Variants in EPB41L2 observed in about 807,000 individuals in gnomAD.
EPB41L2 encodes band 4.1-like protein 2.
EPB41L2 carries 43 observed loss-of-function variants against 113.0 expected under a neutral mutation model. That is an observed-to-expected ratio of 0.38 (90% CI 0.30 to 0.49). EPB41L2 has a LOEUF of 0.49. Ranked by LOEUF, EPB41L2 falls within the 20% of genes least tolerant of loss-of-function variation. The pLI, the probability that EPB41L2 is intolerant of heterozygous loss-of-function variation, is 0.95. For missense variants in EPB41L2, 1,147 were observed against 1,223.4 expected (o/e 0.94, Z 0.93); for synonymous variants, 442 against 436.7 (o/e 1.01, Z -0.15).
chr6:130,955,243 T>C lies in EPB41L2; in HGVS notation c.567A>G (p.Ala189=), dbSNP rs1159936422. 3 of 1,614,080 alleles carry C rather than the reference T, an allele frequency of 1.9e-6. No homozygotes were observed. The highest frequency in any genetic ancestry group is 2.5e-6 in the Non-Finnish European group (3 of 1,180,046). The change falls in exon 3 of 20, where the codon GCA becomes GCG. Residue 189 remains alanine, a synonymous_variant. Coordinates refer to ENST00000337057, the MANE Select transcript of EPB41L2 (RefSeq NM_001431.4). The part of the protein sequence containing the change: ...ETQEDKLEGG[A]AKRETKEVQT... Reference sequence around the variant, plus strand: ...GCACTTCCTTGGTCTCCCTTTTTGCTGCTCCTCCTTCTAATTTGTCTTCCT... The same window carrying C: ...GCACTTCCTTGGTCTCCCTTTTTGCCGCTCCTCCTTCTAATTTGTCTTCCT...
intron 1 of EPB41L2, among the ~76,000 whole-genome samples, chr6:131,025,421 C>T (rs984274012): frequency 1.3e-5 from 2 of 152,104 alleles, no homozygotes; most frequent in East Asian, 1.9e-4. Context: ...CAGATTTGAT[C>T]GAGATCAGAC....
intron 1 of EPB41L2, among the ~76,000 whole-genome samples, chr6:131,056,447 AAG>A (rs1421675562): frequency 2.0e-5 from 3 of 152,232 alleles, no homozygotes; most frequent in Non-Finnish European, 4.4e-5. Flanking sequence ...AAGTTAAGAC[AAG>A]AGTTTCTAAA....
Position 130,955,201 on chromosome 6 carries a change from T to C in EPB41L2, c.609A>G (p.Lys203=), listed in dbSNP as rs1394302189. 6.2e-7 allele frequency: 1 copy of C among 1,614,096 alleles called. No individual in the cohort carries two copies. Among genetic ancestry groups the C allele is most frequent in the East Asian group, 2.2e-5 (1 of 44,890 alleles). ...ETKEVQTNEL[K]AEKASQKVTK... Reference sequence around the variant, plus strand: ...TGACTTTTTGAGATGCCTTCTCTGCTTTCAGCTCATTGGTCTGCACTTCCT... The same window carrying C: ...TGACTTTTTGAGATGCCTTCTCTGCCTTCAGCTCATTGGTCTGCACTTCCT... The change falls in exon 3 of 20, where the codon AAA becomes AAG. Residue 203 remains lysine, a synonymous_variant. Transcript: ENST00000337057.
chr6:130,894,295 C>A, intron 10 of EPB41L2, 49 bp downstream of exon 10: 1 of 1,471,044 alleles, frequency 6.8e-7, no homozygotes, highest in Non-Finnish European at 9.5e-7. Flanking sequence ...AGTGGAATTA[C>A]AGGCATGTGC....
intron 6 of EPB41L2, among the ~76,000 whole-genome samples, chr6:130,904,089 A>C (rs1287941254): frequency 1.3e-5 from 2 of 152,186 alleles, no homozygotes; most frequent in African/African-American, 2.4e-5. Context: ...CTAACCTCAT[A>C]TCATCTTTGT....
intron 1 of EPB41L2, among the ~76,000 whole-genome samples, chr6:131,000,962 A>C (rs2128711811): frequency 7.7e-6 from 1 of 130,372 alleles, no homozygotes; most frequent in African/African-American, 3.5e-5. Flanking sequence ...GATGAAAAAT[A>C]ATTCCAAATG....
intron 1 of EPB41L2, among the ~76,000 whole-genome samples, chr6:131,042,671 A>G (rs910429249): frequency 1.2e-5 from 1 of 80,646 alleles, no homozygotes; most frequent in Non-Finnish European, 3.8e-5. Flanking sequence ...GAAGAGGGGG[A>G]AAAAAAGAGT....
chr6:131,034,589 G>T (rs1340982349), intron 1 of EPB41L2, among the ~76,000 whole-genome samples: 1 of 152,176 alleles, frequency 6.6e-6, no homozygotes, highest in Non-Finnish European at 1.5e-5. Context: ...CATACAACTG[G>T]TTATAACAAA....
intron 1 of EPB41L2, among the ~76,000 whole-genome samples, chr6:130,990,187 G>A (rs1175787963): frequency 6.6e-6 from 1 of 152,066 alleles, no homozygotes; most frequent in Admixed American, 6.6e-5. Context: ...CGAGTGTGGT[G>A]GTACATGACT....
intron 1 of EPB41L2, among the ~76,000 whole-genome samples, chr6:131,050,612 C>T (rs367938960): frequency 4.7e-4 from 71 of 152,284 alleles, no homozygotes; most frequent in African/African-American, 1.6e-3. Flanking sequence ...AACCCACACT[C>T]GAAAATCCCT....
At chr6:131,032,874 C>T (rs539113805) in intron 1 of EPB41L2, among the ~76,000 whole-genome samples, 9 of 152,286 alleles carry the variant, frequency 5.9e-5, no homozygotes, top group Non-Finnish European at 4.4e-5. Flanking sequence ...AGGCTGGGCA[C>T]GGTGGCTCAC....
rs76599031 is a variant in EPB41L2, at chr6:130,986,575, T to C, written c.-14-30076A>G. On this transcript the variant is annotated intron_variant, in intron 1 of 19. Coordinates refer to ENST00000337057, the MANE Select transcript of EPB41L2 (RefSeq NM_001431.4). Reference sequence around the variant, plus strand: ...GTAGGAAGTGACAACTTAAGAGGTATAGGATTTTTTTCTTTTTTTTTTTTT... The same window carrying C: ...GTAGGAAGTGACAACTTAAGAGGTACAGGATTTTTTTCTTTTTTTTTTTTT... 0.011 allele frequency among the ~76,000 whole-genome samples: 1,741 copies of C among 151,660 alleles called. 186 individuals are homozygous for C. In the East Asian group the frequency reaches 0.27, roughly 23 times the overall value.
At chr6:130,873,368 T>A (rs1786381843) in intron 14 of EPB41L2, among the ~76,000 whole-genome samples, 1 of 152,080 alleles carries the variant, frequency 6.6e-6, no homozygotes, top group Non-Finnish European at 1.5e-5. Context: ...AGCAGAACTG[T>A]CCTTAGAAAC....
intron 1 of EPB41L2, among the ~76,000 whole-genome samples, chr6:131,062,195 C>T (rs1475712058): frequency 2.0e-5 from 3 of 150,680 alleles, no homozygotes; most frequent in East Asian, 3.9e-4. Context: ...TTTATTTATA[C>T]ATATATATAA....
chr6:130,947,869 T>C (rs1454034524), intron 3 of EPB41L2, among the ~76,000 whole-genome samples: 2 of 152,218 alleles, frequency 1.3e-5, no homozygotes, highest in African/African-American at 4.8e-5. Context: ...GAATATAATT[T>C]ATAACTTCTG....
intron 1 of EPB41L2, among the ~76,000 whole-genome samples, chr6:130,980,059 G>A (rs369243168): frequency 1.3e-5 from 2 of 152,134 alleles, no homozygotes; most frequent in Non-Finnish European, 2.9e-5. Context: ...AGAGTCTAAC[G>A]GGGAGGCATG....
Position 130,956,141 on chromosome 6 carries a change from C to T in EPB41L2, c.345G>A (p.Glu115=). 1 of 1,614,106 alleles carries T rather than the reference C, an allele frequency of 6.2e-7. No individual in the cohort carries two copies. The highest frequency in any genetic ancestry group is 8.5e-7 in the Non-Finnish European group (1 of 1,180,034). The change falls in exon 2 of 20, where the codon GAG becomes GAA. Residue 115 remains glutamate (E), a synonymous_variant. Transcript: ENST00000337057. ...GTCTCTGTTCTTCTGGAAGGGGTTC[C>T]TCTTTATCTAAGACCTGTTCTTCAA... is the stretch of plus-strand genomic sequence containing the variant. ...AVVEEQVLDK[E]EPLPEEQRQA...
At chr6:130,854,714 C>A (rs1441434035) in intron 19 of EPB41L2, among the ~76,000 whole-genome samples, 2 of 152,170 alleles carry the variant, frequency 1.3e-5, no homozygotes, top group African/African-American at 4.8e-5. Flanking sequence ...TTTTCTCATT[C>A]ATTATCTTAT....
At chr6:131,003,976 A>G (rs1584442843) in intron 1 of EPB41L2, among the ~76,000 whole-genome samples, 1 of 152,190 alleles carries the variant, frequency 6.6e-6, no homozygotes, top group East Asian at 1.9e-4. Context: ...CTGCTTAGGA[A>G]GCCCTGTACT....
Sources: allele counts gnomAD v4.1 joint callset (sites outside exome capture counted in the v4.1 genomes callset), GRCh38; gene constraint gnomAD v4.1.1; transcripts MANE v1.5; gene names NCBI Gene and HGNC (gene_info 2026-07-23, HGNC 2026-07-21).